The following RGS5 variants were observed in gnomAD, a reference collection of about 807,000 sequenced individuals.
RGS5 encodes the protein regulator of G protein signaling 5.
RGS5 carries 20 observed loss-of-function variants against 18.9 expected under a neutral mutation model. That is an observed-to-expected ratio of 1.06 (90% CI 0.74 to 1.54). The LOEUF is 1.54. RGS5 is among the 40% of genes most tolerant of loss of function. The pLI is 0.00. For missense variants in RGS5, 201 were observed against 211.8 expected, an observed-to-expected ratio of 0.95 and a Z score of 0.32; for synonymous variants, 57 against 76.2, an observed-to-expected ratio of 0.75 and a Z score of 1.31.
chr1:163,215,334 A>G (rs1461082201), intron 1 of RGS5, among the ~76,000 whole-genome samples: 1 of 152,192 alleles, frequency 6.6e-6, no homozygotes, highest in Non-Finnish European at 1.5e-5. Context: ...ATGTGACCTT[A>G]GGCAAGTTAT....
intron 2 of RGS5, among the ~76,000 whole-genome samples, chr1:163,271,154 T>C: frequency 6.6e-6 from 1 of 152,152 alleles, no homozygotes; most frequent in Non-Finnish European, 1.5e-5. Context: ...CTCTATAAAT[T>C]TGCCTTTACT....
rs1659745602 is a variant in RGS5 at position 163,200,794 on chromosome 1, A to T, written c.44+1998T>A. 2.0e-5 allele frequency among the ~76,000 whole-genome samples: 3 copies of T among 152,168 alleles called. No individual in the cohort carries two copies. In the South Asian group the frequency reaches 6.2e-4, roughly 32 times the overall value. ...GGGAAAATAAGCTCACTCCTTTACC[A>T]CTCACCACTCTTCAATATTCTACAT... is the stretch of plus-strand genomic sequence containing the variant. On this transcript the variant is annotated intron_variant, in intron 1 of 4. Coordinates refer to ENST00000313961, the MANE Select transcript of RGS5 (RefSeq NM_003617.4).
intron 2 of RGS5, among the ~76,000 whole-genome samples, chr1:163,282,045 GCGCA>G (rs112636219): frequency 0.093 from 13,406 of 143,958 alleles, 645 homozygotes; most frequent in South Asian, 0.13. Context: ...GTGCACGCGC[GCGCA>G]CACACACACA....
chr1:163,266,489 C>A (rs1252839921), intron 2 of RGS5: 1 of 152,088 alleles, frequency 6.6e-6, no homozygotes, highest in Non-Finnish European at 1.5e-5. Flanking sequence ...AAAGTTCTAA[C>A]CCTTTAGGTC....
chr1:163,317,638 C>A (rs185941999), intron 1 of RGS5, among the ~76,000 whole-genome samples: 10 of 152,260 alleles, frequency 6.6e-5, no homozygotes, highest in Admixed American at 5.2e-4. Flanking sequence ...TTACTATTAG[C>A]CTTAAGAAGG....
chr1:163,173,333 A>T (rs997071440), intron 1 of RGS5, among the ~76,000 whole-genome samples: 4 of 152,248 alleles, frequency 2.6e-5, no homozygotes, highest in African/African-American at 9.6e-5. Context: ...TCAGAGGAAG[A>T]TAATTCTTTG....
At chr1:163,155,834 C>T (rs1440118112) in intron 3 of RGS5, among the ~76,000 whole-genome samples, 2 of 152,086 alleles carry the variant, frequency 1.3e-5, no homozygotes, top group Non-Finnish European at 2.9e-5. Flanking sequence ...CCCACCTCGC[C>T]AGGCATCCAC....
intron 2 of RGS5, among the ~76,000 whole-genome samples, chr1:163,288,928 CATCTTTCTCGA>C (rs1209300214): frequency 1.3e-5 from 2 of 152,158 alleles, no homozygotes; most frequent in Non-Finnish European, 2.9e-5. Context: ...TGACAATTCT[CATCTTTCTCGA>C]ATCTTCCCCT....
At chr1:163,176,826 CA>C (rs1275815196) in intron 1 of RGS5, among the ~76,000 whole-genome samples, 1 of 151,918 alleles carries the variant, frequency 6.6e-6, no homozygotes, top group Non-Finnish European at 1.5e-5. Flanking sequence ...AAGACAGATA[CA>C]AAACAAGAAA....
intron 2 of RGS5, among the ~76,000 whole-genome samples, chr1:163,263,853 G>C (rs1303965171): frequency 2.7e-5 from 4 of 150,794 alleles, no homozygotes; most frequent in Non-Finnish European, 5.9e-5. Context: ...TTTTTAAGTA[G>C]GATACTAGAT....
At position 163,242,921 on chromosome 1, in the gene RGS5, G is replaced by A. The variant is rs529139404; in HGVS notation, c.-281+63312C>T. Among the ~76,000 whole-genome samples the A allele has an allele frequency of 3.9e-5, 6 of 152,272 alleles. No homozygotes were observed. In the South Asian group the frequency reaches 1.2e-3, roughly 32 times the overall value. ...CTGTGGGGAAGAGAGAATAAAAGGA[G>A]TTTCTATAACTGCAACTCACCGTGA... On this transcript the variant is annotated intron_variant, in intron 2 of 5. Coordinates refer to the RGS5 transcript ENST00000618415.
At chr1:163,208,226 TAGTTCCAGCTACTCCGGAGGCTG>T in intron 1 of RGS5, among the ~76,000 whole-genome samples, 1 of 148,024 alleles carries the variant, frequency 6.8e-6, no homozygotes, top group Non-Finnish European at 1.5e-5. Flanking sequence ...CGGGCGCCTG[TAGTTCCAGCTACTCCGGAGGCTG>T]AGGCAGGAGA....
rs1557889128 is a variant in RGS5, at chr1:163,172,671, AG to A, written c.45-4304del. ...ATGGCTTCAGTTTCTGGCTTGGTAT[AG>A]GCTCAAGTATAGAGCATTATAAAGT... On this transcript the variant is annotated intron_variant, in intron 1 of 4. Transcript: ENST00000313961. The A allele has an allele frequency of 6.8e-6, 10 of 1,478,464 alleles. No homozygotes were observed. In the Admixed American group the frequency reaches 2.1e-4, roughly 30 times the overall value. The allele number at this position is 1,478,464 out of a possible 1,614,324, so 91.6% of individuals were successfully genotyped here.
intron 2 of RGS5, chr1:163,267,223 A>C (rs1466482551): frequency 6.6e-6 from 1 of 152,068 alleles, no homozygotes; most frequent in Non-Finnish European, 1.5e-5. Context: ...GAGGGTGTAC[A>C]TGCTTTCACC....
intron 1 of RGS5, among the ~76,000 whole-genome samples, chr1:163,307,685 C>T (rs1265098603): frequency 2.0e-5 from 3 of 151,768 alleles, no homozygotes; most frequent in Admixed American, 6.6e-5. Flanking sequence ...CGGCCAAAAG[C>T]AATGTCTAGT....
intron 2 of RGS5, 123 bp downstream of exon 2, chr1:163,168,135 G>A (rs974843838): frequency 2.7e-5 from 18 of 658,726 alleles, no homozygotes; most frequent in Non-Finnish European, 4.6e-5. Flanking sequence ...AACTCTCTGA[G>A]GGCTCTTATG....
At chr1:163,261,738 C>A (rs1015304160) in intron 2 of RGS5, among the ~76,000 whole-genome samples, 2 of 152,082 alleles carry the variant, frequency 1.3e-5, no homozygotes, top group African/African-American at 4.8e-5. Flanking sequence ...TTGTCCTTTC[C>A]TAGAATGACA....
chr1:163,238,023 T>C (rs1647676005), intron 2 of RGS5: 1 of 154,960 alleles, frequency 6.5e-6, no homozygotes, highest in Non-Finnish European at 1.5e-5. Flanking sequence ...TTTAATGATA[T>C]CTTATTTGAT....
Position 163,290,793 on chromosome 1 carries a change from A to G in RGS5, c.-281+15440T>C, listed in dbSNP as rs549080492. Among the ~76,000 whole-genome samples the G allele has an allele frequency of 9.2e-5, 14 of 152,286 alleles. No homozygotes were observed. In the East Asian group the frequency reaches 2.5e-3, roughly 27 times the overall value. The stretch of plus-strand genomic sequence containing the variant: ...TTCATATCTTCACTAAATAGAGGAT[A>G]CATTTGATATTATATGAGATCAACC... On this transcript the variant is annotated intron_variant, in intron 2 of 5. Coordinates refer to the RGS5 transcript ENST00000618415.
Sources: gnomAD v4.1 joint callset for allele counts (sites outside exome capture counted in the v4.1 genomes callset) on GRCh38, gnomAD v4.1.1 for gene constraint, MANE v1.5 for transcripts, NCBI Gene and HGNC (gene_info 2026-07-23, HGNC 2026-07-21) for gene names.